Variants in TBX5 observed in about 807,000 individuals in gnomAD.
The protein encoded by TBX5 is T-box transcription factor TBX5.
A neutral mutation model predicts 51.1 loss-of-function variants in TBX5; 8 were observed. The ratio of observed to expected loss-of-function variants is 0.16; its 90% confidence interval spans 0.09 to 0.28. TBX5 has a LOEUF of 0.28. Among genes scored for constraint, TBX5 ranks in the 10% least tolerant of loss-of-function variants. The pLI is 1.00. For synonymous variants in TBX5, 302 were observed against 266.4 expected (o/e 1.13, Z -1.30); for missense variants, 589 against 671.7 (o/e 0.88, Z 1.36).
At chr12:114,376,002 G>C (rs1870164016) in intron 7 of TBX5, among the ~76,000 whole-genome samples, 1 of 152,122 alleles carries the variant, frequency 6.6e-6, no homozygotes, top group South Asian at 2.1e-4. Flanking sequence ...CCCTGATCAT[G>C]ACACTGCACT....
At chr12:114,359,254 G>C (rs560833651) in intron 8 of TBX5, among the ~76,000 whole-genome samples, 2 of 152,194 alleles carry the variant, frequency 1.3e-5, no homozygotes, top group East Asian at 1.9e-4. Flanking sequence ...TTCCTCTCAG[G>C]CCTCATCACA....
intron 7 of TBX5, among the ~76,000 whole-genome samples, chr12:114,379,372 C>A (rs1427575391): frequency 6.6e-6 from 1 of 152,160 alleles, no homozygotes; most frequent in Non-Finnish European, 1.5e-5. Context: ...GGTCTGGGAG[C>A]TCTTTGTGGA....
Position 114,394,741 on chromosome 12 carries a change from C to G in TBX5, c.663G>C (p.Lys221Asn), listed in dbSNP as rs748766700. The change falls in exon 6 of 9, where the codon AAG becomes AAC. Residue 221 changes from lysine (K) to asparagine (N), a missense_variant and splice_region_variant. Transcript: ENST00000405440. Reference sequence around the variant, plus strand: ...ACTGGTTCCTGGGCTTCAGGCTTACCTTGTGGTTCTGGTAGGAAGTCACTG... The same window carrying G: ...ACTGGTTCCTGGGCTTCAGGCTTACGTTGTGGTTCTGGTAGGAAGTCACTG... ...FIAVTSYQNH[K>N]ITQLKIENNP... The G allele has an allele frequency of 6.2e-7, 1 of 1,614,084 alleles. No individual in the cohort carries two copies. The highest frequency in any genetic ancestry group is 8.5e-7 in the Non-Finnish European group (1 of 1,180,006).
chr12:114,375,743 A>G (rs570265115), intron 7 of TBX5, among the ~76,000 whole-genome samples: 2 of 152,274 alleles, frequency 1.3e-5, no homozygotes, highest in Admixed American at 1.3e-4. Context: ...TCCCAAAAAA[A>G]TTAAAAATAG....
At chr12:114,364,378 G>C (rs1036811120) in intron 8 of TBX5, among the ~76,000 whole-genome samples, 1 of 152,176 alleles carries the variant, frequency 6.6e-6, no homozygotes, top group Non-Finnish European at 1.5e-5. Flanking sequence ...AGTCAACCCT[G>C]AGATAACATA....
chr12:114,386,594 A>T (rs1407631079), intron 6 of TBX5, among the ~76,000 whole-genome samples: 5 of 152,230 alleles, frequency 3.3e-5, no homozygotes. Context: ...CACAAATATG[A>T]TATCACTTCT....
intron 7 of TBX5, among the ~76,000 whole-genome samples, chr12:114,370,638 CCTCTCTCT>C (rs142620191): frequency 0.027 from 4,035 of 146,858 alleles, 73 homozygotes; most frequent in Non-Finnish European, 0.042. Flanking sequence ...ATGATCTCTC[CCTCTCTCT>C]CTCTCTCTCT....
intron 7 of TBX5, among the ~76,000 whole-genome samples, chr12:114,379,343 G>A (rs1870379046): frequency 6.6e-6 from 1 of 152,176 alleles, no homozygotes; most frequent in African/African-American, 2.4e-5. Context: ...GCAACTGTAG[G>A]GAACTTGGGG....
Position 114,353,987 on chromosome 12 carries a change from C to T in TBX5, c.*1545G>A, listed in dbSNP as rs917558766. ...TTAATTGGCACACAAATATAAGGCACGAGTACTTAATCCTCACCCTCCCCC... is the reference window on the plus strand; with the variant it reads ...TTAATTGGCACACAAATATAAGGCATGAGTACTTAATCCTCACCCTCCCCC... On this transcript the variant is annotated 3_prime_UTR_variant, in exon 9 of 9. Coordinates refer to ENST00000405440, the MANE Select transcript of TBX5 (RefSeq NM_181486.4). The T allele has an allele frequency of 4.6e-5, 7 of 152,454 alleles. No individual in the cohort carries two copies. The highest frequency in any genetic ancestry group is 8.8e-5 in the Non-Finnish European group (6 of 68,024). 9.4% of individuals were successfully genotyped at this position (152,454 alleles called of 1,614,324 possible). A position where few individuals can be genotyped will look rare whatever the true frequency, so the allele number is the denominator to read the frequency against.
intron 7 of TBX5, among the ~76,000 whole-genome samples, 188 bp from the exon 8 acceptor site, chr12:114,366,579 T>C (rs1361684172): frequency 6.6e-6 from 1 of 152,230 alleles, no homozygotes; most frequent in African/African-American, 2.4e-5. Context: ...ATTTGGGTAC[T>C]AATTTTTCAT....
At chr12:114,390,851 A>G in intron 6 of TBX5, among the ~76,000 whole-genome samples, 1 of 152,244 alleles carries the variant, frequency 6.6e-6, no homozygotes, top group Admixed American at 6.5e-5. Context: ...TGAAAACTTT[A>G]CAAAAACGTG....
upstream of TBX5, chr12:114,408,014 T>C (rs1202065309): frequency 2.0e-6 from 2 of 985,322 alleles, no homozygotes; most frequent in African/African-American, 1.7e-5. Context: ...AATATTACTG[T>C]TTATTACCAG....
chr12:114,364,825 A>G (rs1400856500), intron 8 of TBX5, among the ~76,000 whole-genome samples: 1 of 152,216 alleles, frequency 6.6e-6, no homozygotes, highest in Non-Finnish European at 1.5e-5. Flanking sequence ...AGGAGAGGCT[A>G]GAACACCTGA....
intron 7 of TBX5, among the ~76,000 whole-genome samples, chr12:114,372,932 G>A (rs536144562): frequency 6.6e-6 from 1 of 150,892 alleles, no homozygotes; most frequent in Non-Finnish European, 1.5e-5. Flanking sequence ...ACCTCTTTGG[G>A]GTTATAAAAT....
chr12:114,398,774 A>T (rs986978336), intron 4 of TBX5, 54 bp from the exon 5 acceptor site: 84 of 1,565,894 alleles, frequency 5.4e-5, no homozygotes, highest in Non-Finnish European at 6.8e-5. Flanking sequence ...GAGGTAGCGC[A>T]CTGCACCGAA....
intron 7 of TBX5, among the ~76,000 whole-genome samples, chr12:114,376,144 A>G (rs1870172491): frequency 6.6e-6 from 1 of 150,906 alleles, no homozygotes; most frequent in African/African-American, 2.4e-5. Flanking sequence ...AGGAAATGAA[A>G]TCAGTATCTT....
At chr12:114,379,987 A>G (rs1055878833) in intron 7 of TBX5, among the ~76,000 whole-genome samples, 4 of 152,238 alleles carry the variant, frequency 2.6e-5, no homozygotes, top group Admixed American at 2.0e-4. Context: ...CATACCTGTC[A>G]TAGAGTCACT....
At chr12:114,372,932 G>C (rs536144562) in intron 7 of TBX5, among the ~76,000 whole-genome samples, 1 of 150,892 alleles carries the variant, frequency 6.6e-6, no homozygotes, top group Non-Finnish European at 1.5e-5. Context: ...ACCTCTTTGG[G>C]GTTATAAAAT....
intron 6 of TBX5, among the ~76,000 whole-genome samples, chr12:114,388,057 C>T (rs1870923088): frequency 6.6e-6 from 1 of 152,162 alleles, no homozygotes; most frequent in Admixed American, 6.6e-5. Context: ...CCATGTTGTC[C>T]AGGCTGGTCT....
Sources: gnomAD v4.1 joint callset for allele counts (sites outside exome capture counted in the v4.1 genomes callset) on GRCh38, gnomAD v4.1.1 for gene constraint, MANE v1.5 for transcripts, NCBI Gene and HGNC (gene_info 2026-07-23, HGNC 2026-07-21) for gene names.